The following ESPNL variants were observed in gnomAD, a reference collection of about 807,000 sequenced individuals.
ESPNL encodes espin-like protein.
In ESPNL, 49 loss-of-function variants were observed where a neutral mutation model predicts 46.8. That is an observed-to-expected ratio of 1.05 (90% CI 0.83 to 1.33). The LOEUF is 1.33. Ranked by LOEUF, ESPNL falls within the 40% of genes most tolerant of loss-of-function variation. ESPNL has a pLI of 0.00. For missense variants in ESPNL, 1,540 were observed against 1,436.6 expected, an observed-to-expected ratio of 1.07 and a Z score of -1.16; for synonymous variants, 664 against 662.1, an observed-to-expected ratio of 1.00 and a Z score of -0.04.
Position 238,114,525 on chromosome 2 carries a change from C to T in ESPNL, c.856-2378C>T, listed in dbSNP as rs368360374. ...CAGCGACTGGCTTCAGCGACCTGCC[C>T]CAGCCTCCCCAGCCCCGGTGTCCTT... On this transcript the variant is annotated intron_variant, in intron 4 of 8. Transcript: ENST00000343063. This position sits in a 1 kb window ranked among gnomAD's most constrained non-coding sequence, Gnocchi z 5.0. 1.3e-5 allele frequency among the ~76,000 whole-genome samples: 2 copies of T among 152,162 alleles called. No individual in the cohort carries two copies. Among genetic ancestry groups the T allele is most frequent in the Admixed American group, 6.5e-5 (1 of 15,290 alleles).
At chr2:238,120,402 C>G (rs369448080) in intron 5 of ESPNL, among the ~76,000 whole-genome samples, 1 of 152,226 alleles carries the variant, frequency 6.6e-6, no homozygotes, top group Non-Finnish European at 1.5e-5. Flanking sequence ...CAGCCCCGCC[C>G]GACCTCCTGG....
intron 5 of ESPNL, among the ~76,000 whole-genome samples, chr2:238,120,846 C>A (rs11902440): frequency 1.3e-5 from 2 of 152,140 alleles, no homozygotes; most frequent in South Asian, 4.1e-4. Context: ...GAATGCAGTC[C>A]GCAGGGGCTG....
At chr2:238,128,276 C>T (rs985432307) in intron 7 of ESPNL, among the ~76,000 whole-genome samples, 7 of 152,206 alleles carry the variant, frequency 4.6e-5, no homozygotes, top group African/African-American at 9.7e-5. Flanking sequence ...GCGCTGCTGC[C>T]CGTCGTGGAG....
At position 238,132,286 on chromosome 2, in the gene ESPNL, G is replaced by C. The variant is rs1692360101; in HGVS notation, c.*554G>C. On this transcript the variant is annotated 3_prime_UTR_variant, in exon 9 of 9. Coordinates refer to ENST00000343063, the MANE Select transcript of ESPNL (RefSeq NM_194312.4). ...GAGGCCTTCCTGCCAGGCCATCCCT[G>C]CTGGTCACACACCGATGCCCGCCAG... 6.5e-6 allele frequency: 1 copy of C among 153,650 alleles called. No homozygotes were observed. The highest frequency in any genetic ancestry group is 1.4e-5 in the Non-Finnish European group (1 of 69,094). 9.5% of individuals were successfully genotyped at this position (153,650 alleles called of 1,614,324 possible).
chr2:238,123,746 G>C (rs1170569744), intron 5 of ESPNL, among the ~76,000 whole-genome samples: 1 of 152,320 alleles, frequency 6.6e-6, no homozygotes, highest in South Asian at 2.1e-4. Context: ...TCCGGGGCTG[G>C]GGCTGGGCGG....
intron 5 of ESPNL, among the ~76,000 whole-genome samples, chr2:238,123,019 A>G (rs1411485602): frequency 6.6e-6 from 1 of 152,180 alleles, no homozygotes; most frequent in Non-Finnish European, 1.5e-5. Context: ...CACGGCAGGG[A>G]GCACACATCA....
At chr2:238,109,172 G>A (rs1437949682) in intron 4 of ESPNL, among the ~76,000 whole-genome samples, 7 of 152,200 alleles carry the variant, frequency 4.6e-5, no homozygotes, top group Non-Finnish European at 1.0e-4. Flanking sequence ...GCTCAGGCAG[G>A]CCCCAGGAGA....
intron 5 of ESPNL, among the ~76,000 whole-genome samples, chr2:238,119,199 A>AGGAGGGTGGATGGG (rs1691916437): frequency 8.9e-6 from 1 of 112,306 alleles, no homozygotes; most frequent in Non-Finnish European, 1.8e-5. Context: ...GAATGGATGG[A>AGGAGGGTGGATGGG]GGAGGGTGGA....
chr2:238,101,456 G>A (rs567725277), intron 1 of ESPNL, among the ~76,000 whole-genome samples: 60 of 152,326 alleles, frequency 3.9e-4, no homozygotes, highest in Non-Finnish European at 6.5e-4. Context: ...GCCTGCCTGG[G>A]GATCCATTCT....
In ESPNL at chr2:238,131,447, C is replaced by T. The variant is rs1316959788; in HGVS notation, c.2733C>T (p.Gly911=). Residue 911 remains glycine (G), a synonymous_variant, in exon 9 of 9, where the codon GGC becomes GGT. Transcript: ENST00000343063. Reference sequence around the variant, plus strand: ...CCGTGACCGACGAGGTGGCCGCCGGCCGCCGGGCCTGGACCGACGGCTTCG... The same window carrying T: ...CCGTGACCGACGAGGTGGCCGCCGGTCGCCGGGCCTGGACCGACGGCTTCG... ...HKAVTDEVAA[G]RRAWTDGFED... 2 of 1,609,876 alleles carry T rather than the reference C, an allele frequency of 1.2e-6. No homozygotes were observed. The highest frequency in any genetic ancestry group is 4.5e-5 in the East Asian group (2 of 44,778).
chr2:238,123,186 C>G (rs558735118), intron 5 of ESPNL, among the ~76,000 whole-genome samples: 2 of 152,214 alleles, frequency 1.3e-5, no homozygotes, highest in Non-Finnish European at 2.9e-5. Context: ...GTCCCTCAGT[C>G]GCTCCCTGCA....
intron 1 of ESPNL, among the ~76,000 whole-genome samples, chr2:238,101,437 G>A (rs1387397352): frequency 1.3e-5 from 2 of 152,322 alleles, no homozygotes; most frequent in Admixed American, 1.3e-4. Context: ...GGCAGCAGGC[G>A]GGAGCTGTGC....
Position 238,130,630 on chromosome 2 carries a change from G to T in ESPNL, c.1916G>T (p.Ser639Ile). The change falls in exon 9 of 9, where the codon AGC (serine) becomes ATC (isoleucine). Residue 639 changes from serine (S) to isoleucine (I), a missense_variant. By Grantham distance (142) the Ser-to-Ile change is moderately radical. Coordinates refer to ENST00000343063, the MANE Select transcript of ESPNL (RefSeq NM_194312.4). ...GAGGCCTCGGCCAGCCCCCCTCGGA[G>T]CGAGGCCCAGCGCCAGATCCAGGAG... ...CREASASPPR[S>I]EAQRQIQEWG... 6.4e-7 allele frequency: 1 copy of T among 1,561,322 alleles called. No individual in the cohort carries two copies. The highest frequency in any genetic ancestry group is 8.7e-7 in the Non-Finnish European group (1 of 1,152,932).
intron 6 of ESPNL, 46 bp from the exon 7 acceptor site, chr2:238,127,576 T>C (rs1156978439): frequency 6.5e-7 from 1 of 1,532,912 alleles, no homozygotes; most frequent in Non-Finnish European, 8.8e-7. Context: ...GGGTCTCTGC[T>C]CCCCAGCCCT....
chr2:238,120,597 G>T (rs1024748128), intron 5 of ESPNL, among the ~76,000 whole-genome samples: 1 of 152,248 alleles, frequency 6.6e-6, no homozygotes, highest in Non-Finnish European at 1.5e-5. Flanking sequence ...CCTGCCCGGC[G>T]CATGAAAACC....
chr2:238,130,149 C>G lies in ESPNL; in HGVS notation c.1435C>G (p.Pro479Ala). ...CCAGGACAATGGTGGGAGCTCAGGCCCCACGGAGCAGGCGGCCTGGAGGTA... is the reference window on the plus strand; with the variant it reads ...CCAGGACAATGGTGGGAGCTCAGGCGCCACGGAGCAGGCGGCCTGGAGGTA... ...EAQDNGGSSG[P>A]TEQAAWRYSQ... The change falls in exon 9 of 9, where the codon CCC becomes GCC. Residue 479 changes from proline to alanine, a missense_variant. By Grantham distance (27) the Pro-to-Ala change is conservative (BLOSUM62 -1). Coordinates refer to ENST00000343063, the MANE Select transcript of ESPNL (RefSeq NM_194312.4). The G allele has an allele frequency of 6.2e-7, 1 of 1,611,964 alleles. No individual in the cohort carries two copies.
At chr2:238,109,099 C>G (rs894291842) in intron 4 of ESPNL, among the ~76,000 whole-genome samples, 2 of 152,180 alleles carry the variant, frequency 1.3e-5, no homozygotes, top group East Asian at 3.9e-4. Context: ...GAGGGGTGAC[C>G]CGCAGGCCCT....
rs1342582820 is a variant in ESPNL, at chr2:238,102,135, A to C, written c.485+4A>C. ...TCCTGACAGCCGCGCATGGCAGGTAAGGAGCCCAAAGTCCCGCCTGGGGGG... is the reference window on the plus strand; with the variant it reads ...TCCTGACAGCCGCGCATGGCAGGTACGGAGCCCAAAGTCCCGCCTGGGGGG... On this transcript the variant is annotated splice_donor_region_variant and intron_variant, in intron 2 of 8. Coordinates refer to ENST00000343063, the MANE Select transcript of ESPNL (RefSeq NM_194312.4). 6.5e-7 allele frequency: 1 copy of C among 1,529,794 alleles called. No individual in the cohort carries two copies. Among genetic ancestry groups the C allele is most frequent in the African/African-American group, 1.4e-5 (1 of 72,808 alleles). 94.8% of individuals were successfully genotyped at this position (1,529,794 alleles called of 1,614,324 possible).
At chr2:238,112,915 T>C (rs1452840191) in intron 4 of ESPNL, among the ~76,000 whole-genome samples, 2 of 152,246 alleles carry the variant, frequency 1.3e-5, no homozygotes, top group Non-Finnish European at 1.5e-5. Context: ...TCAATTTTTA[T>C]CAACGTTGCA....
Sources: allele counts gnomAD v4.1 joint callset (sites outside exome capture counted in the v4.1 genomes callset), GRCh38; gene constraint gnomAD v4.1.1; non-coding constraint Gnocchi (gnomAD v3.1); transcripts MANE v1.5; gene names NCBI Gene and HGNC (gene_info 2026-07-23, HGNC 2026-07-21).